STXBP4: variants seen among roughly 807,000 people sequenced by gnomAD.
STXBP4 encodes the protein syntaxin-binding protein 4.
A neutral mutation model predicts 76.1 loss-of-function variants in STXBP4; 55 were observed. The ratio of observed to expected loss-of-function variants is 0.72; its 90% confidence interval spans 0.58 to 0.91. The LOEUF is 0.91. Among genes scored for constraint, STXBP4 ranks in the 40% least tolerant of loss-of-function variants. The pLI, the probability that STXBP4 is intolerant of heterozygous loss-of-function variation, is 0.00. For missense variants in STXBP4, 618 were observed against 636.9 expected, an observed-to-expected ratio of 0.97 and a Z score of 0.32; for synonymous variants, 201 against 220.2, an observed-to-expected ratio of 0.91 and a Z score of 0.77.
intron 16 of STXBP4, among the ~76,000 whole-genome samples, chr17:55,097,914 G>A (rs2079513307): frequency 6.6e-6 from 1 of 152,028 alleles, no homozygotes; most frequent in African/African-American, 2.4e-5. Flanking sequence ...AATCCATAGG[G>A]TTGTCCTGAG....
At chr17:55,096,162 T>C (rs1397219386) in intron 16 of STXBP4, among the ~76,000 whole-genome samples, 2 of 152,112 alleles carry the variant, frequency 1.3e-5, no homozygotes, top group African/African-American at 4.8e-5. Flanking sequence ...GGTTTTGTTT[T>C]GTTTTGTGTT....
intron 9 of STXBP4, among the ~76,000 whole-genome samples, chr17:55,032,366 A>T (rs577938815): frequency 9.8e-5 from 15 of 152,324 alleles, no homozygotes; most frequent in Admixed American, 5.2e-4. Context: ...ACATACAAGT[A>T]AAATCACAAT....
At chr17:55,004,056 G>C (rs2077963471) in intron 7 of STXBP4, among the ~76,000 whole-genome samples, 1 of 151,902 alleles carries the variant, frequency 6.6e-6, no homozygotes, top group African/African-American at 2.4e-5. Context: ...GTGCACGCCT[G>C]AAGTCCCAGC....
intron 1 of STXBP4, among the ~76,000 whole-genome samples, chr17:54,977,445 T>C (rs1410887334): frequency 6.6e-6 from 1 of 152,150 alleles, no homozygotes; most frequent in Non-Finnish European, 1.5e-5. Context: ...ATAAGTAATC[T>C]AGGGATGATT....
rs920426854 is a variant in STXBP4 at position 55,161,090 on chromosome 17, G to T, written c.*1179G>T. 6.6e-6 allele frequency: 1 copy of T among 152,182 alleles called. No individual in the cohort carries two copies. The highest frequency in any genetic ancestry group is 2.4e-5 in the African/African-American group (1 of 41,438). The allele number at this position is 152,182 out of a possible 1,614,324, so 9.4% of individuals were successfully genotyped here. ...CATAGTCTAAGAACCATTCATTGTA[G>T]CCATTTTATAGTTGAGTAAACTGAG... On this transcript the variant is annotated 3_prime_UTR_variant, in exon 18 of 18. Transcript: ENST00000376352.
rs2080327511 is a variant in STXBP4, at chr17:55,160,492, G to A, written c.*581G>A. The A allele has an allele frequency of 6.6e-6, 1 of 152,548 alleles. No homozygotes were observed. The highest frequency in any genetic ancestry group is 2.1e-4 in the South Asian group (1 of 4,816). The allele number at this position is 152,548 out of a possible 1,614,324, so 9.4% of individuals were successfully genotyped here. A position where few individuals can be genotyped will look rare whatever the true frequency, so the allele number is the denominator to read the frequency against. The stretch of plus-strand genomic sequence containing the variant: ...TCTTTAAACCATACAACATGCCCGT[G>A]AAGCTGATCTGGTGGGTATGTTTAT... On this transcript the variant is annotated 3_prime_UTR_variant, in exon 18 of 18. Coordinates refer to ENST00000376352, the MANE Select transcript of STXBP4 (RefSeq NM_178509.6).
At chr17:55,174,410 A>G (rs1212479895), downstream of STXBP4, among the ~76,000 whole-genome samples, 3 of 152,128 alleles carry the variant, frequency 2.0e-5, no homozygotes, top group Admixed American at 6.6e-5. Context: ...GTATTTCATC[A>G]TGGTTTAAAT....
intron 10 of STXBP4, among the ~76,000 whole-genome samples, chr17:55,036,531 A>C (rs2078606076): frequency 6.6e-6 from 1 of 151,362 alleles, no homozygotes; most frequent in Admixed American, 6.6e-5. Flanking sequence ...TGTTATACCC[A>C]TTTGCTTTTT....
Position 55,031,228 on chromosome 17 carries a change from G to GT in STXBP4, c.728dup (p.Gln244ThrfsTer27), listed in dbSNP as rs2078504575. 6.2e-7 allele frequency: 1 copy of GT among 1,613,198 alleles called. No individual in the cohort carries two copies. The highest frequency in any genetic ancestry group is 1.7e-5 in the Admixed American group (1 of 59,962). ...ACAACACCAAGCCCTGAGACAGCAA[G>GT]TACAAGCAGACTCAAAAGGGACAGT... is the stretch of plus-strand genomic sequence containing the variant. On this transcript the variant is annotated frameshift_variant, in exon 9 of 18. Transcript: ENST00000376352. LOFTEE classifies it high-confidence loss of function.
At chr17:55,102,539 C>T (rs1373464659) in intron 16 of STXBP4, among the ~76,000 whole-genome samples, 1 of 151,984 alleles carries the variant, frequency 6.6e-6, no homozygotes, top group Non-Finnish European at 1.5e-5. Flanking sequence ...ATGGGCATTT[C>T]GATTGGTTCC....
chr17:55,044,772 A>AT (rs563164090), intron 11 of STXBP4: 3 of 151,934 alleles, frequency 2.0e-5, no homozygotes, highest in Non-Finnish European at 2.9e-5. Context: ...GCCTTAAAAA[A>AT]TTTTTTTCCA....
downstream of STXBP4, among the ~76,000 whole-genome samples, chr17:55,177,908 GT>G (rs2080436823): frequency 6.6e-6 from 1 of 152,220 alleles, no homozygotes; most frequent in Non-Finnish European, 1.5e-5. Context: ...CTTTGCAGCT[GT>G]TCCACTCCCT....
intron 16 of STXBP4, among the ~76,000 whole-genome samples, chr17:55,116,344 T>C (rs539880273): frequency 6.6e-6 from 1 of 151,884 alleles, no homozygotes; most frequent in East Asian, 1.9e-4. Flanking sequence ...TACCATAATA[T>C]CACATTCAGA....
intron 17 of STXBP4, among the ~76,000 whole-genome samples, chr17:55,152,202 A>C (rs2080224428): frequency 6.6e-6 from 1 of 152,154 alleles, no homozygotes; most frequent in South Asian, 2.1e-4. Flanking sequence ...CCATGCATCA[A>C]ATATTTATGG....
At chr17:55,047,439 A>T (rs555357577) in intron 12 of STXBP4, among the ~76,000 whole-genome samples, 1 of 151,878 alleles carries the variant, frequency 6.6e-6, no homozygotes, top group South Asian at 2.1e-4. Flanking sequence ...CAATCTCATT[A>T]CTTCTCCATT....
chr17:55,058,269 C>T (rs1439024346), intron 12 of STXBP4, among the ~76,000 whole-genome samples: 2 of 152,116 alleles, frequency 1.3e-5, no homozygotes, highest in East Asian at 3.9e-4. Flanking sequence ...GATGGTATCT[C>T]ATTGTGGTTT....
rs1000567728 is a variant in STXBP4 at position 55,023,933 on chromosome 17, A to G, written c.667-7235A>G. ...CCCTTTTCCAAAAAAAAAAAAAAAA[A>G]AAAAAAAGAAAACACTAGAGAAATG... On this transcript the variant is annotated intron_variant, in intron 8 of 17. Transcript: ENST00000376352. 6.0e-5 allele frequency among the ~76,000 whole-genome samples: 9 copies of G among 150,718 alleles called. No individual in the cohort carries two copies. In the East Asian group the frequency reaches 1.2e-3, roughly 19 times the overall value.
chr17:55,073,923 C>G (rs1396062611), intron 13 of STXBP4, among the ~76,000 whole-genome samples: 2 of 152,164 alleles, frequency 1.3e-5, no homozygotes, highest in Non-Finnish European at 2.9e-5. Flanking sequence ...GCCACCACGC[C>G]TGGACAGTGC....
At chr17:55,212,518 A>G in the STXBP4 span, among the ~76,000 whole-genome samples, 1 of 151,994 alleles carries the variant, frequency 6.6e-6, no homozygotes. Context: ...ATATTTAGTC[A>G]TCTTATCTGG....
Sources: allele counts gnomAD v4.1 joint callset (sites outside exome capture counted in the v4.1 genomes callset), GRCh38; gene constraint gnomAD v4.1.1; transcripts MANE v1.5; gene names NCBI Gene and HGNC (gene_info 2026-07-23, HGNC 2026-07-21).